CDH4: variants seen among roughly 807,000 people sequenced by gnomAD.
The protein encoded by CDH4 is cadherin 4.
In CDH4, 33 loss-of-function variants were observed where a neutral mutation model predicts 86.0. The observed-to-expected ratio is 0.38, with a 90% CI of 0.29 to 0.51. The LOEUF is 0.51. Ranked by LOEUF, CDH4 falls within the 20% of genes least tolerant of loss-of-function variation. The pLI is 0.86. For synonymous variants in CDH4, 555 were observed against 549.4 expected, an observed-to-expected ratio of 1.01 and a Z score of -0.14; for missense variants, 1,114 against 1,307.4, an observed-to-expected ratio of 0.85 and a Z score of 2.28.
intron 2 of CDH4, among the ~76,000 whole-genome samples, chr20:61,719,969 C>T (rs1168335588): frequency 6.6e-6 from 1 of 152,194 alleles, no homozygotes; most frequent in Non-Finnish European, 1.5e-5. Context: ...AGTTTAAGCA[C>T]CGCAGTTACC....
intron 2 of CDH4, among the ~76,000 whole-genome samples, chr20:61,732,308 G>T (rs576570780): frequency 1.3e-5 from 2 of 152,268 alleles, no homozygotes; most frequent in Middle Eastern, 3.4e-3. Flanking sequence ...ACTGCCTCAG[G>T]GAAAAGGAGC....
intron 4 of CDH4, among the ~76,000 whole-genome samples, chr20:61,835,592 C>G (rs1327985334): frequency 6.6e-6 from 1 of 152,210 alleles, no homozygotes; most frequent in African/African-American, 2.4e-5. Flanking sequence ...CAGAGGCAGC[C>G]TCCTGGCCTC....
At chr20:61,895,738 C>T (rs1248048251) in intron 8 of CDH4, among the ~76,000 whole-genome samples, 4 of 152,222 alleles carry the variant, frequency 2.6e-5, no homozygotes, top group Admixed American at 2.6e-4. Flanking sequence ...ACCCCACTTC[C>T]CTGCTGCCCA....
At position 61,517,919 on chromosome 20, in the gene CDH4, C is replaced by G. The variant is rs2085834534; in HGVS notation, c.170-225644C>G. Among the ~76,000 whole-genome samples, 1 of 152,158 alleles carries G rather than the reference C, an allele frequency of 6.6e-6. No individual in the cohort carries two copies. The highest frequency in any genetic ancestry group is 6.5e-5 in the Admixed American group (1 of 15,274). Reference sequence around the variant, plus strand: ...CCCCTCAGGGTCCCTCCCCCAAATGCACAGACACAGCCAGACAGCTTCTGG... The same window carrying G: ...CCCCTCAGGGTCCCTCCCCCAAATGGACAGACACAGCCAGACAGCTTCTGG... On this transcript the variant is annotated intron_variant, in intron 2 of 15. Coordinates refer to ENST00000614565, the MANE Select transcript of CDH4 (RefSeq NM_001794.5). This position sits in a 1 kb window ranked among gnomAD's most constrained non-coding sequence, Gnocchi z 6.6.
At chr20:61,864,311 G>T (rs1037103578) in intron 6 of CDH4, among the ~76,000 whole-genome samples, 1 of 152,186 alleles carries the variant, frequency 6.6e-6, no homozygotes, top group Non-Finnish European at 1.5e-5. Flanking sequence ...CCCCATCTGC[G>T]GTGCTTTGGC....
At chr20:61,799,411 C>G (rs927359175) in intron 4 of CDH4, among the ~76,000 whole-genome samples, 5 of 152,226 alleles carry the variant, frequency 3.3e-5, no homozygotes, top group African/African-American at 9.6e-5. Context: ...TGTTTTGAGG[C>G]CTCAATTCCC....
At chr20:61,863,653 A>G (rs1983424040) in intron 6 of CDH4, among the ~76,000 whole-genome samples, 2 of 152,144 alleles carry the variant, frequency 1.3e-5, no homozygotes, top group Admixed American at 1.3e-4. Context: ...GGACACGGGG[A>G]TCCAGGTTCC....
chr20:61,431,103 G>A (rs76834522), intron 2 of CDH4, among the ~76,000 whole-genome samples: 7,631 of 152,304 alleles, frequency 0.05, 310 homozygotes, highest in Middle Eastern at 0.088. Flanking sequence ...GAAACACAGC[G>A]CAGCACGCAC....
At chr20:61,283,577 CGTGTGT>C (rs2084276553) in intron 2 of CDH4, among the ~76,000 whole-genome samples, 2 of 145,982 alleles carry the variant, frequency 1.4e-5, no homozygotes, top group South Asian at 2.2e-4. Flanking sequence ...TGCATTTGCA[CGTGTGT>C]GCTGTGGTGT....
intron 2 of CDH4, among the ~76,000 whole-genome samples, chr20:61,364,282 C>T (rs990587150): frequency 5.3e-5 from 8 of 152,290 alleles, no homozygotes; most frequent in Admixed American, 4.6e-4. Context: ...CTGGTAGAGA[C>T]ACAAGCCGTG....
chr20:61,302,527 A>G (rs969978177), intron 2 of CDH4, among the ~76,000 whole-genome samples: 3 of 149,666 alleles, frequency 2.0e-5, no homozygotes, highest in Non-Finnish European at 3.0e-5. Flanking sequence ...TTCACAGGAG[A>G]ATGGGAGGGT....
chr20:61,465,560 G>C (rs2085467419), intron 2 of CDH4, among the ~76,000 whole-genome samples: 1 of 152,168 alleles, frequency 6.6e-6, no homozygotes, highest in Admixed American at 6.5e-5. Context: ...TGGATGTATT[G>C]ATTTTATGTA....
chr20:61,667,040 G>T (rs573998865), intron 2 of CDH4, among the ~76,000 whole-genome samples: 1 of 152,232 alleles, frequency 6.6e-6, no homozygotes, highest in Non-Finnish European at 1.5e-5. Flanking sequence ...TGTATGGACC[G>T]TGCCCTTTGG....
intron 4 of CDH4, among the ~76,000 whole-genome samples, chr20:61,775,821 C>A (rs8121570): frequency 0.031 from 4,706 of 152,280 alleles, 178 homozygotes; most frequent in African/African-American, 0.09. Context: ...GCTGTCCTGG[C>A]TCTTGGAGTT....
intron 2 of CDH4, among the ~76,000 whole-genome samples, chr20:61,411,437 C>G (rs1473140119): frequency 6.6e-6 from 1 of 151,326 alleles, no homozygotes; most frequent in Non-Finnish European, 1.5e-5. Flanking sequence ...ATTGCCTTGG[C>G]AGAACCTCAA....
chr20:61,465,530 G>A (rs2085467231), intron 2 of CDH4, among the ~76,000 whole-genome samples: 1 of 152,190 alleles, frequency 6.6e-6, no homozygotes, highest in African/African-American at 2.4e-5. Flanking sequence ...ACAGTGCCTA[G>A]CACCTCTCTG....
chr20:61,594,455 A>G (rs1165993737), intron 2 of CDH4, among the ~76,000 whole-genome samples: 1 of 152,068 alleles, frequency 6.6e-6, no homozygotes, highest in Non-Finnish European at 1.5e-5. Context: ...AAGAGAGGAG[A>G]ACAGAACTAT....
intron 4 of CDH4, among the ~76,000 whole-genome samples, chr20:61,820,977 G>T (rs934258713): frequency 6.6e-6 from 1 of 152,038 alleles, no homozygotes. Context: ...CAGGTACAGT[G>T]CTGGGCCTCA....
intron 8 of CDH4, among the ~76,000 whole-genome samples, chr20:61,901,880 C>G (rs1055915621): frequency 6.6e-6 from 1 of 152,224 alleles, no homozygotes; most frequent in Non-Finnish European, 1.5e-5. Context: ...GGAGACAAAG[C>G]TGGGCCTCAG....
Sources: gnomAD v4.1 joint callset for allele counts (sites outside exome capture counted in the v4.1 genomes callset) on GRCh38, gnomAD v4.1.1 for gene constraint, Gnocchi (gnomAD v3.1) non-coding constraint, MANE v1.5 for transcripts, NCBI Gene and HGNC (gene_info 2026-07-23, HGNC 2026-07-21) for gene names.